The following CHCHD6 variants were observed in gnomAD, a reference collection of about 807,000 sequenced individuals.
The protein encoded by CHCHD6 is coiled-coil-helix-coiled-coil-helix domain containing 6, also known as MICOS complex subunit MIC25.
Under a neutral mutation model 32.3 loss-of-function variants are expected in CHCHD6, and 28 were observed. That is an observed-to-expected ratio of 0.87 (90% CI 0.64 to 1.19). The LOEUF (loss-of-function observed/expected upper bound fraction) is 1.19. Among genes scored for constraint, CHCHD6 ranks in the 50% most tolerant of loss-of-function variants. The pLI is 0.00. For synonymous variants in CHCHD6, 122 were observed against 117.5 expected, an observed-to-expected ratio of 1.04 and a Z score of -0.25; for missense variants, 333 against 307.0, an observed-to-expected ratio of 1.08 and a Z score of -0.63.
intron 4 of CHCHD6, among the ~76,000 whole-genome samples, chr3:126,754,510 C>G (rs1374708861): frequency 6.6e-6 from 1 of 152,172 alleles, no homozygotes; most frequent in African/African-American, 2.4e-5. Flanking sequence ...TGTGGCTGAG[C>G]TCTTTCTAAG....
In CHCHD6 at chr3:126,865,631, T is replaced by C. The variant is rs939263853; in HGVS notation, c.495+12901T>C. 16 of 985,222 alleles carry C rather than the reference T, an allele frequency of 1.6e-5. No individual in the cohort carries two copies. In the African/African-American group the frequency reaches 2.6e-4, roughly 16 times the overall value. 61.0% of individuals were successfully genotyped at this position (985,222 alleles called of 1,614,324 possible). ...CTGCTACCACCATTTTGATTGCTGC[T>C]GCCCCCTCTCCCACCGCTACTACTA... On this transcript the variant is annotated intron_variant, in intron 5 of 7. Coordinates refer to ENST00000290913, the MANE Select transcript of CHCHD6 (RefSeq NM_032343.3).
intron 5 of CHCHD6, among the ~76,000 whole-genome samples, chr3:126,853,897 A>G (rs1941563319): frequency 6.6e-6 from 1 of 152,180 alleles, no homozygotes; most frequent in Admixed American, 6.5e-5. Context: ...CCATAGCTCT[A>G]ATTATCACAG....
At chr3:126,870,495 T>C (rs563219366) in intron 5 of CHCHD6, among the ~76,000 whole-genome samples, 2 of 152,268 alleles carry the variant, frequency 1.3e-5, no homozygotes, top group South Asian at 4.1e-4. Context: ...ACTTGTCCTT[T>C]TGGTTTTGTC....
chr3:126,729,135 T>C (rs1052340903), intron 2 of CHCHD6, among the ~76,000 whole-genome samples: 5 of 151,594 alleles, frequency 3.3e-5, no homozygotes, highest in African/African-American at 1.2e-4. Context: ...AACCTTAAAT[T>C]AAAAAAAATA....
At chr3:126,865,136 CACCACCACCTCCTTT>C (rs1251733848) in intron 5 of CHCHD6, among the ~76,000 whole-genome samples, 59 of 111,506 alleles carry the variant, frequency 5.3e-4, no homozygotes, top group Non-Finnish European at 7.8e-4. Context: ...CCTCCTCCTC[CACCACCACCTCCTTT>C]TCCACCACCT....
At chr3:126,842,242 T>A (rs555802815) in intron 4 of CHCHD6, among the ~76,000 whole-genome samples, 103 of 152,094 alleles carry the variant, frequency 6.8e-4, no homozygotes, top group African/African-American at 2.1e-3. Context: ...GTCTTTTTTT[T>A]AAAAAAAAGA....
chr3:126,785,678 C>T (rs549879089), intron 4 of CHCHD6, among the ~76,000 whole-genome samples: 8 of 152,316 alleles, frequency 5.3e-5, no homozygotes, highest in African/African-American at 1.9e-4. Context: ...CCATGTTTTA[C>T]AGCCGTATCA....
chr3:126,917,468 C>A (rs1377747286), intron 6 of CHCHD6, among the ~76,000 whole-genome samples: 5 of 152,212 alleles, frequency 3.3e-5, no homozygotes, highest in African/African-American at 1.2e-4. Flanking sequence ...GGCCTCAGAC[C>A]TCAGCCCTGC....
intron 4 of CHCHD6, among the ~76,000 whole-genome samples, chr3:126,756,042 G>C (rs1007765409): frequency 1.3e-5 from 2 of 152,096 alleles, no homozygotes; most frequent in Admixed American, 6.5e-5. Flanking sequence ...GTCTGTGCAG[G>C]GCTCGGAGAG....
chr3:126,727,123 C>A lies in CHCHD6; in HGVS notation c.133C>A (p.Pro45Thr), dbSNP rs754305461. 2 of 1,613,936 alleles carry A rather than the reference C, an allele frequency of 1.2e-6. No individual in the cohort carries two copies. Among genetic ancestry groups the A allele is most frequent in the African/African-American group, 1.3e-5 (1 of 74,934 alleles). ...VNRMKEPSSP[P>T]PAPTSSTFGL... ...CCGCATGAAGGAGCCCAGCTCTCCA[C>A]CCCCTGCTCCCACATCTTCTACCTT... Residue 45 changes from proline to threonine, a missense_variant, in exon 2 of 8, where the codon CCC becomes ACC. Physicochemically the swap from Pro to Thr is conservative, Grantham distance 38. Transcript: ENST00000290913.
intron 4 of CHCHD6, among the ~76,000 whole-genome samples, chr3:126,802,635 ACT>A (rs1428855837): frequency 6.6e-6 from 1 of 152,226 alleles, no homozygotes; most frequent in Non-Finnish European, 1.5e-5. Context: ...GTTGGAAAAC[ACT>A]CTGCAGGATA....
At chr3:126,921,511 T>C (rs1315569090) in intron 6 of CHCHD6, among the ~76,000 whole-genome samples, 4 of 27,074 alleles carry the variant, frequency 1.5e-4, no homozygotes, top group Non-Finnish European at 3.3e-4. Context: ...CAACCTTCAG[T>C]CTGCTTCCCG....
At chr3:126,754,259 A>G (rs920199032) in intron 4 of CHCHD6, among the ~76,000 whole-genome samples, 13 of 152,324 alleles carry the variant, frequency 8.5e-5, no homozygotes, top group Admixed American at 7.2e-4. Context: ...TAATACAGGG[A>G]CAGCAATATT....
intron 1 of CHCHD6, among the ~76,000 whole-genome samples, chr3:126,726,670 A>G (rs1382529716): frequency 6.6e-6 from 1 of 152,198 alleles, no homozygotes; most frequent in African/African-American, 2.4e-5. Flanking sequence ...GGACATTGAG[A>G]TACCTCCAAA....
intron 4 of CHCHD6, among the ~76,000 whole-genome samples, chr3:126,847,151 AT>A (rs751259341): frequency 4.8e-4 from 73 of 152,202 alleles, no homozygotes; most frequent in Admixed American, 1.4e-3. Flanking sequence ...TGTGGTTTCT[AT>A]GGGTCAGGGA....
intron 4 of CHCHD6, among the ~76,000 whole-genome samples, chr3:126,850,941 G>T (rs1386474688): frequency 6.6e-6 from 1 of 152,144 alleles, no homozygotes; most frequent in Non-Finnish European, 1.5e-5. Flanking sequence ...TGAAGTGTTG[G>T]CATTCCAGAG....
intron 5 of CHCHD6, among the ~76,000 whole-genome samples, chr3:126,883,160 G>A (rs1051235087): frequency 1.3e-5 from 2 of 152,210 alleles, no homozygotes; most frequent in African/African-American, 4.8e-5. Context: ...GGACATGGAA[G>A]CTCCACGTCC....
chr3:126,844,551 C>T (rs1941222454), intron 4 of CHCHD6, among the ~76,000 whole-genome samples: 1 of 152,112 alleles, frequency 6.6e-6, no homozygotes, highest in Non-Finnish European at 1.5e-5. Flanking sequence ...TTAGCATTTG[C>T]ACAATATATC....
chr3:126,874,073 A>T (rs1046575562), intron 5 of CHCHD6, among the ~76,000 whole-genome samples: 1 of 152,160 alleles, frequency 6.6e-6, no homozygotes, highest in African/African-American at 2.4e-5. Flanking sequence ...ATCCCGGGCC[A>T]TGTCGGGTCC....
Sources: gnomAD v4.1 joint callset for allele counts (sites outside exome capture counted in the v4.1 genomes callset) on GRCh38, gnomAD v4.1.1 for gene constraint, MANE v1.5 for transcripts, NCBI Gene and HGNC (gene_info 2026-07-23, HGNC 2026-07-21) for gene names.